The following GREB1 variants were observed in gnomAD, a reference collection of about 807,000 sequenced individuals.
The protein encoded by GREB1 is growth regulating estrogen receptor binding 1, also known as protein GREB1.
Under a neutral mutation model 200.7 loss-of-function variants are expected in GREB1, and 106 were observed. The observed-to-expected ratio is 0.53, with a 90% CI of 0.45 to 0.62. The LOEUF (loss-of-function observed/expected upper bound fraction) is 0.62. Ranked by LOEUF, GREB1 falls within the 20% of genes least tolerant of loss-of-function variation. The pLI is 0.00. For synonymous variants in GREB1, 1,132 were observed against 1,092.4 expected (o/e 1.04, Z -0.72); for missense variants, 2,243 against 2,556.8 (o/e 0.88, Z 2.65).
intron 23 of GREB1, among the ~76,000 whole-genome samples, chr2:11,621,592 G>C (rs542452165): frequency 1.9e-4 from 29 of 152,274 alleles, no homozygotes; most frequent in African/African-American, 7.0e-4. Context: ...AACCTCCCCT[G>C]TTTCCTCCTC....
chr2:11,499,424 T>C (rs555763240), intron 1 of GREB1, among the ~76,000 whole-genome samples: 1 of 152,370 alleles, frequency 6.6e-6, no homozygotes, highest in Admixed American at 6.5e-5. Context: ...CTAAACACTG[T>C]TATCTGGCCA....
intron 9 of GREB1, 51 bp from the exon 10 acceptor site, chr2:11,588,695 C>T: frequency 1.3e-6 from 2 of 1,531,290 alleles, no homozygotes; most frequent in Non-Finnish European, 1.8e-6. Flanking sequence ...ATGTATGGGA[C>T]CGTAAGCTGT....
chr2:11,592,880 C>T lies in GREB1; in HGVS notation c.1450C>T (p.Gln484Ter), dbSNP rs1396106971. 6.3e-7 allele frequency: 1 copy of T among 1,599,922 alleles called. No homozygotes were observed. Among genetic ancestry groups the T allele is most frequent in the South Asian group, 1.1e-5 (1 of 89,130 alleles). ...EIRQYQQAPP[Q>*]PFPPAPSAAA... is the part of the protein sequence containing the mutation. ...CCGGCAGTACCAGCAGGCGCCGCCG[C>T]AGCCCTTCCCGCCCGCGCCCAGCGC... The change falls in exon 11 of 33, where the codon CAG (glutamine) becomes TAG (stop). Residue 484 changes from glutamine to a stop codon, truncating the protein, a stop_gained. Coordinates refer to ENST00000381486, the MANE Select transcript of GREB1 (RefSeq NM_014668.4). LOFTEE classifies it high-confidence loss of function.
intron 9 of GREB1, among the ~76,000 whole-genome samples, chr2:11,586,235 G>C (rs1165078297): frequency 1.3e-5 from 2 of 152,228 alleles, no homozygotes; most frequent in African/African-American, 4.8e-5. Flanking sequence ...CCCAGACCCG[G>C]TGCTGAGTGC....
At position 11,637,745 on chromosome 2, in the gene GREB1, G is replaced by A. The variant is rs748061818; in HGVS notation, c.5376G>A (p.Pro1792=). ...CTGATAACTCTGCCGCGGTCGTGCC[G>A]GCCCAGTACATCTGTGCCCCGGACA... The part of the protein sequence containing the change: ...KVSDNSAAVV[P]AQYICAPDSK... The change falls in exon 31 of 33, where the codon CCG becomes CCA. Residue 1792 remains proline, a synonymous_variant. Transcript: ENST00000381486. 1.7e-5 allele frequency: 27 copies of A among 1,613,536 alleles called. No homozygotes were observed. The highest frequency in any genetic ancestry group is 3.3e-5 in the South Asian group (3 of 91,082).
chr2:11,501,037 C>T (rs1355536698), intron 1 of GREB1, among the ~76,000 whole-genome samples: 1 of 152,216 alleles, frequency 6.6e-6, no homozygotes, highest in Non-Finnish European at 1.5e-5. Flanking sequence ...CAGGGTCTTA[C>T]ATGAGGTAGT....
chr2:11,640,123 C>T lies in GREB1; in HGVS notation c.5687-168C>T, dbSNP rs374889654. Among the ~76,000 whole-genome samples, 71 of 152,312 alleles carry T rather than the reference C, an allele frequency of 4.7e-4. No homozygotes were observed. The highest frequency in any genetic ancestry group is 6.8e-3 in the Middle Eastern group (2 of 294). ...CCACATCCCAGCCACACTCCTGTCT[C>T]GCTAAGATTGTACATCATCCCGAAA... On this transcript the variant is annotated intron_variant, in intron 32 of 32. Coordinates refer to ENST00000381486, the MANE Select transcript of GREB1 (RefSeq NM_014668.4). The surrounding 1 kb of genome is among the most constrained non-coding windows in gnomAD (Gnocchi z 4.6).
At position 11,537,771 on chromosome 2, in the gene GREB1, A is replaced by G. The variant is rs149133946; in HGVS notation, c.-162+3517A>G. On this transcript the variant is annotated intron_variant, in intron 1 of 32. Coordinates refer to ENST00000381486, the MANE Select transcript of GREB1 (RefSeq NM_014668.4). ...TAAATTTTATATATTTATAAATAAA[A>G]TATACTATTTTAACATAAAATACAT... Among the ~76,000 whole-genome samples the G allele has an allele frequency of 9.9e-4, 147 of 148,172 alleles. 3 individuals are homozygous for G. In the East Asian group the frequency reaches 0.027, roughly 27 times the overall value.
chr2:11,605,626 T>C (rs1682213118), intron 17 of GREB1, among the ~76,000 whole-genome samples: 1 of 152,206 alleles, frequency 6.6e-6, no homozygotes, highest in African/African-American at 2.4e-5. Flanking sequence ...AATTCCTTCC[T>C]CCTGTCCTTT....
intron 25 of GREB1, among the ~76,000 whole-genome samples, 164 bp downstream of exon 25, chr2:11,627,268 T>C (rs569389829): frequency 6.2e-4 from 95 of 152,336 alleles, no homozygotes; most frequent in African/African-American, 2.2e-3. Context: ...TGTGAAATGA[T>C]TGCTGGAACT....
intron 1 of GREB1, among the ~76,000 whole-genome samples, chr2:11,504,530 GA>G (rs1318994238): frequency 2.0e-5 from 3 of 152,270 alleles, no homozygotes; most frequent in African/African-American, 7.2e-5. Flanking sequence ...ATCTATGAGC[GA>G]GTAGTCTCCA....
At chr2:11,632,591 G>A (rs761430833) in intron 27 of GREB1, among the ~76,000 whole-genome samples, 1 of 152,128 alleles carries the variant, frequency 6.6e-6, no homozygotes, top group Non-Finnish European at 1.5e-5. Flanking sequence ...GCCTGCCTCG[G>A]CCCCCCAAAC....
chr2:11,588,262 T>C (rs59129126), intron 9 of GREB1: 331,073 of 1,015,708 alleles, frequency 0.33, 57,536 homozygotes, highest in East Asian at 0.45. Context: ...TCTTCTGGTC[T>C]CTGTGGTGAT....
chr2:11,640,466 G>A lies in GREB1; in HGVS notation c.*12G>A, dbSNP rs1193808096. ...GACGACACATCTGAGGAAGACAGCGGCGAGTTTTCTGAAGAGATGAGTGCT... is the reference window on the plus strand; with the variant it reads ...GACGACACATCTGAGGAAGACAGCGACGAGTTTTCTGAAGAGATGAGTGCT... On this transcript the variant is annotated 3_prime_UTR_variant, in exon 33 of 33. Transcript: ENST00000381486. The surrounding 1 kb of genome is among the most constrained non-coding windows in gnomAD (Gnocchi z 4.6). 6.2e-7 allele frequency: 1 copy of A among 1,613,950 alleles called. No individual in the cohort carries two copies. Among genetic ancestry groups the A allele is most frequent in the Non-Finnish European group, 8.5e-7 (1 of 1,179,964 alleles).
intron 11 of GREB1, among the ~76,000 whole-genome samples, chr2:11,593,649 GAT>G (rs1263963324): frequency 6.6e-6 from 1 of 152,038 alleles, no homozygotes; most frequent in Admixed American, 6.6e-5. Flanking sequence ...TGTATTTTTT[GAT>G]AGAGATGGGG....
intron 17 of GREB1, among the ~76,000 whole-genome samples, chr2:11,603,014 C>G (rs908484371): frequency 1.3e-5 from 2 of 152,214 alleles, no homozygotes; most frequent in Non-Finnish European, 2.9e-5. Context: ...GTTATTCATA[C>G]TTTGCAAATG....
intron 1 of GREB1, among the ~76,000 whole-genome samples, chr2:11,522,910 C>G (rs1422090667): frequency 1.3e-5 from 2 of 152,178 alleles, no homozygotes; most frequent in Non-Finnish European, 2.9e-5. Flanking sequence ...TTGACATCTT[C>G]CAGTTAGAAA....
At chr2:11,536,699 A>G (rs1674306818) in intron 1 of GREB1, among the ~76,000 whole-genome samples, 1 of 152,238 alleles carries the variant, frequency 6.6e-6, no homozygotes, top group East Asian at 1.9e-4. Context: ...CAGCAGATGG[A>G]GTTAACACTG....
chr2:11,494,699 G>A (rs1672840975), intron 1 of GREB1, among the ~76,000 whole-genome samples: 1 of 152,176 alleles, frequency 6.6e-6, no homozygotes, highest in Admixed American at 6.5e-5. Context: ...TATAGACTCA[G>A]GGTCAAATCC....
Sources: gnomAD v4.1 joint callset for allele counts (sites outside exome capture counted in the v4.1 genomes callset) on GRCh38, gnomAD v4.1.1 for gene constraint, Gnocchi (gnomAD v3.1) non-coding constraint, MANE v1.5 for transcripts, NCBI Gene and HGNC (gene_info 2026-07-23, HGNC 2026-07-21) for gene names.